Variants in LEKR1 observed in about 807,000 individuals in gnomAD.
LEKR1 encodes protein LEKR1.
A neutral mutation model predicts 72.4 loss-of-function variants in LEKR1; 59 were observed. That is an observed-to-expected ratio of 0.82 (90% CI 0.66 to 1.01). The LOEUF (loss-of-function observed/expected upper bound fraction) is 1.01, where lower values mean the gene tolerates loss of function less well. Among genes scored for constraint, LEKR1 ranks in the 50% least tolerant of loss-of-function variants. LEKR1 has a pLI of 0.00. For missense variants in LEKR1, 728 were observed against 759.2 expected (o/e 0.96, Z 0.48); for synonymous variants, 257 against 263.2 (o/e 0.98, Z 0.23).
intron 7 of LEKR1, among the ~76,000 whole-genome samples, chr3:156,983,054 C>T (rs1209144678): frequency 6.6e-6 from 1 of 152,090 alleles, no homozygotes; most frequent in African/African-American, 2.4e-5. Flanking sequence ...GTATAGGAAA[C>T]ATCAGTTTTG....
intron 6 of LEKR1, among the ~76,000 whole-genome samples, chr3:156,963,154 C>A (rs1728270466): frequency 6.6e-6 from 1 of 152,126 alleles, no homozygotes; most frequent in African/African-American, 2.4e-5. Flanking sequence ...AGTCATTCAG[C>A]AATATTTATT....
At chr3:156,863,458 T>C (rs1207428953) in intron 3 of LEKR1, among the ~76,000 whole-genome samples, 1 of 152,094 alleles carries the variant, frequency 6.6e-6, no homozygotes, top group Admixed American at 6.6e-5. Flanking sequence ...CAGATCATGT[T>C]ATTTTAGCTT....
intron 2 of LEKR1, among the ~76,000 whole-genome samples, chr3:156,847,895 C>G (rs1401263941): frequency 6.6e-6 from 1 of 152,184 alleles, no homozygotes; most frequent in African/African-American, 2.4e-5. Context: ...TACATTTCAG[C>G]CTTTTCTCCC....
intron 5 of LEKR1, among the ~76,000 whole-genome samples, chr3:156,930,665 A>G (rs1481523131): frequency 6.6e-6 from 1 of 152,166 alleles, no homozygotes; most frequent in Non-Finnish European, 1.5e-5. Context: ...GGCATTTTAA[A>G]CATCATCTAA....
chr3:157,020,370 T>A (rs536651348), intron 10 of LEKR1, among the ~76,000 whole-genome samples: 5,582 of 145,614 alleles, frequency 0.038, 398 homozygotes, highest in African/African-American at 0.13. Flanking sequence ...GCTGGTGTGC[T>A]GCACCCATTA....
chr3:156,986,984 A>G (rs1730744541), intron 7 of LEKR1, among the ~76,000 whole-genome samples: 1 of 152,184 alleles, frequency 6.6e-6, no homozygotes, highest in African/African-American at 2.4e-5. Context: ...ATGGAGTGGC[A>G]TATAGCATCA....
chr3:157,019,971 T>C (rs886671175), intron 10 of LEKR1, among the ~76,000 whole-genome samples: 1 of 152,212 alleles, frequency 6.6e-6, no homozygotes, highest in African/African-American at 2.4e-5. Context: ...ATCACTCTGC[T>C]TCTTTTTCTC....
intron 2 of LEKR1, among the ~76,000 whole-genome samples, chr3:156,834,090 C>T (rs1208898248): frequency 6.6e-6 from 1 of 151,922 alleles, no homozygotes; most frequent in Non-Finnish European, 1.5e-5. Flanking sequence ...ATCAGTTTGA[C>T]CATAAGGTAA....
intron 9 of LEKR1, among the ~76,000 whole-genome samples, chr3:156,997,721 T>C (rs1731693424): frequency 6.6e-6 from 1 of 152,172 alleles, no homozygotes; most frequent in Non-Finnish European, 1.5e-5. Flanking sequence ...ATTGTGCAGT[T>C]TAGAAGCTGT....
chr3:156,983,868 C>G (rs1204068182), intron 7 of LEKR1, among the ~76,000 whole-genome samples: 2 of 152,118 alleles, frequency 1.3e-5, no homozygotes, highest in Non-Finnish European at 2.9e-5. Flanking sequence ...AACAGAGGAT[C>G]TTAAGTCTGA....
intron 9 of LEKR1, among the ~76,000 whole-genome samples, chr3:157,007,848 A>T (rs1403388752): frequency 6.6e-6 from 1 of 152,220 alleles, no homozygotes; most frequent in Non-Finnish European, 1.5e-5. Flanking sequence ...TAAACTTAAG[A>T]TGTTTCTAAA....
intron 7 of LEKR1, among the ~76,000 whole-genome samples, chr3:156,991,742 T>A (rs1731158304): frequency 6.6e-6 from 1 of 152,246 alleles, no homozygotes; most frequent in Non-Finnish European, 1.5e-5. Context: ...TTTTCCTTTA[T>A]GTCTTTGAGC....
At chr3:156,830,852 C>T (rs2108527544) in intron 2 of LEKR1, among the ~76,000 whole-genome samples, 1 of 152,172 alleles carries the variant, frequency 6.6e-6, no homozygotes, top group South Asian at 2.1e-4. Context: ...AAGAAAAAGT[C>T]AAGATAACAG....
chr3:156,982,902 GATA>G (rs1730351113), intron 7 of LEKR1, among the ~76,000 whole-genome samples: 1 of 142,220 alleles, frequency 7.0e-6, no homozygotes, highest in African/African-American at 2.5e-5. Context: ...TAGATAGATA[GATA>G]GATGGAAGAG....
chr3:156,839,201 G>A (rs1250887206), intron 2 of LEKR1, among the ~76,000 whole-genome samples: 1 of 152,168 alleles, frequency 6.6e-6, no homozygotes, highest in Non-Finnish European at 1.5e-5. Flanking sequence ...TAAACATCAG[G>A]TGTTAGTCTT....
chr3:156,871,032 T>C (rs970025381), intron 3 of LEKR1, among the ~76,000 whole-genome samples: 5 of 152,104 alleles, frequency 3.3e-5, no homozygotes, highest in African/African-American at 1.2e-4. Flanking sequence ...TGTATACATG[T>C]GCCATGCTGG....
intron 7 of LEKR1, among the ~76,000 whole-genome samples, chr3:156,986,297 T>C (rs1730675369): frequency 6.6e-6 from 1 of 152,188 alleles, no homozygotes; most frequent in African/African-American, 2.4e-5. Flanking sequence ...TTGGGGAGAA[T>C]TCTAAGAGAG....
intron 7 of LEKR1, chr3:156,988,233 C>T: frequency 4.9e-6 from 1 of 202,620 alleles, no homozygotes; most frequent in Non-Finnish European, 1.1e-5. Flanking sequence ...CAAAGGCCTC[C>T]ACCACCTACA....
intron 3 of LEKR1, among the ~76,000 whole-genome samples, chr3:156,873,410 A>G (rs1445882979): frequency 2.0e-5 from 3 of 151,970 alleles, no homozygotes. Flanking sequence ...TACTCTGTTT[A>G]TATTCAAAGT....
Sources: allele counts gnomAD v4.1 joint callset (sites outside exome capture counted in the v4.1 genomes callset), GRCh38; gene constraint gnomAD v4.1.1; transcripts MANE v1.5; gene names NCBI Gene and HGNC (gene_info 2026-07-23, HGNC 2026-07-21).